Variants in RALGAPA2 observed in about 807,000 individuals in gnomAD.
RALGAPA2 encodes the protein ral GTPase-activating protein subunit alpha-2.
Under a neutral mutation model 230.4 loss-of-function variants are expected in RALGAPA2, and 139 were observed. The ratio of observed to expected loss-of-function variants is 0.60; its 90% CI spans 0.53 to 0.69. RALGAPA2 has a LOEUF of 0.69. Ranked by LOEUF, RALGAPA2 falls within the 30% of genes least tolerant of loss-of-function variation. The probability of loss-of-function intolerance (pLI) is 0.00; values close to 1 mark genes in which losing one functional copy is unlikely to be tolerated. For synonymous variants in RALGAPA2, 847 were observed against 837.8 expected, an observed-to-expected ratio of 1.01 and a Z score of -0.19; for missense variants, 2,163 against 2,276.0, an observed-to-expected ratio of 0.95 and a Z score of 1.01.
intron 37 of RALGAPA2, among the ~76,000 whole-genome samples, chr20:20,463,870 C>A (rs1162292926): frequency 6.6e-6 from 1 of 152,224 alleles, no homozygotes; most frequent in East Asian, 1.9e-4. Flanking sequence ...TACCCTCTTG[C>A]ATGCTTTTGA....
At chr20:20,505,275 A>T in intron 34 of RALGAPA2, 136 bp downstream of exon 34, 1 of 1,241,034 alleles carries the variant, frequency 8.1e-7, no homozygotes, top group Non-Finnish European at 1.0e-6. Flanking sequence ...CAAATCCAAT[A>T]AATTCTTCAA....
chr20:20,480,843 A>G (rs569992745), intron 36 of RALGAPA2, among the ~76,000 whole-genome samples: 12 of 152,202 alleles, frequency 7.9e-5, no homozygotes, highest in Non-Finnish European at 1.8e-4. Context: ...ACAACCACCT[A>G]AAGTTTCTGA....
At chr20:20,649,066 T>C (rs1031673320) in intron 4 of RALGAPA2, among the ~76,000 whole-genome samples, 2 of 152,142 alleles carry the variant, frequency 1.3e-5, no homozygotes, top group Non-Finnish European at 2.9e-5. Flanking sequence ...AAAAGCACCC[T>C]GAGAGGGCAT....
intron 10 of RALGAPA2, among the ~76,000 whole-genome samples, chr20:20,621,126 G>A (rs1164201667): frequency 1.3e-5 from 2 of 148,866 alleles, no homozygotes; most frequent in African/African-American, 5.0e-5. Flanking sequence ...GGGCAACAGA[G>A]CCAGACTCAG....
At chr20:20,495,348 T>C in intron 35 of RALGAPA2, 73 bp from the exon 36 acceptor site, 1 of 1,299,544 alleles carries the variant, frequency 7.7e-7, no homozygotes, top group South Asian at 2.4e-5. Flanking sequence ...GCTTACAAAT[T>C]GAATTATAAA....
chr20:20,412,222 T>A (rs1034424331), intron 37 of RALGAPA2, 74 bp from the exon 38 acceptor site: 19 of 1,574,182 alleles, frequency 1.2e-5, no homozygotes, highest in Non-Finnish European at 1.7e-5. Context: ...TCACTTTTAA[T>A]ACCGTTGTGC....
At chr20:20,638,992 G>T (rs922137292) in intron 7 of RALGAPA2, among the ~76,000 whole-genome samples, 1 of 152,176 alleles carries the variant, frequency 6.6e-6, no homozygotes, top group Non-Finnish European at 1.5e-5. Context: ...CATGAAGGAG[G>T]GGTAGTTAAA....
chr20:20,458,832 A>AGGTCTATATATATATAGGTCTAT (rs1482363137), intron 37 of RALGAPA2, among the ~76,000 whole-genome samples: 1 of 143,126 alleles, frequency 7.0e-6, no homozygotes, highest in African/African-American at 2.6e-5. Context: ...CTATATATAT[A>AGGTCTATATATATATAGGTCTAT]TATAGACCTA....
intron 1 of RALGAPA2, among the ~76,000 whole-genome samples, chr20:20,693,753 C>G (rs960634249): frequency 6.6e-6 from 1 of 152,124 alleles, no homozygotes; most frequent in African/African-American, 2.4e-5. Context: ...AGGTCACTGC[C>G]AAGACTCGAA....
intron 37 of RALGAPA2, among the ~76,000 whole-genome samples, chr20:20,466,141 G>A (rs1169078131): frequency 6.6e-6 from 1 of 152,268 alleles, no homozygotes; most frequent in African/African-American, 2.4e-5. Flanking sequence ...TGTGGTGACC[G>A]TGACAGCACA....
In RALGAPA2 at chr20:20,425,171, A is replaced by T. The variant is rs2060355874; in HGVS notation, c.5496-13023T>A. Among the ~76,000 whole-genome samples the T allele has an allele frequency of 2.0e-5, 3 of 152,316 alleles. No homozygotes were observed. The South Asian group carries it at 6.2e-4, about 32-fold the overall frequency. On this transcript the variant is annotated intron_variant, in intron 37 of 39. Coordinates refer to ENST00000202677, the MANE Select transcript of RALGAPA2 (RefSeq NM_020343.4). Reference sequence around the variant, plus strand: ...ATGAAACTGACAAGTATAAGAAAACATCTATAGCAGATACTCTGGTTATCC... The same window carrying T: ...ATGAAACTGACAAGTATAAGAAAACTTCTATAGCAGATACTCTGGTTATCC...
At chr20:20,568,065 C>G (rs1465697591) in intron 23 of RALGAPA2, among the ~76,000 whole-genome samples, 1 of 152,050 alleles carries the variant, frequency 6.6e-6, no homozygotes, top group Non-Finnish European at 1.5e-5. Context: ...AGACACAAAG[C>G]AGCTGAGCAG....
chr20:20,666,043 G>T (rs1265297124), intron 3 of RALGAPA2, among the ~76,000 whole-genome samples: 1 of 152,182 alleles, frequency 6.6e-6, no homozygotes, highest in Non-Finnish European at 1.5e-5. Flanking sequence ...ATCAATAAAA[G>T]CCACAAGTAT....
intron 11 of RALGAPA2, among the ~76,000 whole-genome samples, chr20:20,619,653 G>A (rs1223342264): frequency 1.3e-5 from 2 of 152,172 alleles, no homozygotes; most frequent in African/African-American, 4.8e-5. Flanking sequence ...AATGAGTTGT[G>A]TTTGTCCAAT....
chr20:20,665,368 T>C (rs1044771813), intron 3 of RALGAPA2, among the ~76,000 whole-genome samples: 2 of 152,192 alleles, frequency 1.3e-5, no homozygotes, highest in Non-Finnish European at 2.9e-5. Flanking sequence ...GAGGCCAGCA[T>C]GCCAGGAAGC....
intron 37 of RALGAPA2, among the ~76,000 whole-genome samples, chr20:20,468,715 C>A (rs534369977): frequency 6.6e-6 from 1 of 152,092 alleles, no homozygotes; most frequent in South Asian, 2.1e-4. Context: ...TTCAAATGGC[C>A]CAGAGAGTTC....
intron 7 of RALGAPA2, among the ~76,000 whole-genome samples, chr20:20,638,398 G>A (rs571877061): frequency 2.6e-5 from 4 of 152,286 alleles, no homozygotes; most frequent in East Asian, 3.9e-4. Context: ...CAGGGGCAGC[G>A]GGGTTCAGCA....
intron 23 of RALGAPA2, among the ~76,000 whole-genome samples, chr20:20,559,550 C>T (rs566293199): frequency 6.6e-6 from 1 of 152,318 alleles, no homozygotes; most frequent in Admixed American, 6.5e-5. Flanking sequence ...GCAAAGAGGT[C>T]AATCGACCTC....
At position 20,709,442 on chromosome 20, in the gene RALGAPA2, G is replaced by C. The variant is rs538480528; in HGVS notation, c.106+2933C>G. Among the ~76,000 whole-genome samples the C allele has an allele frequency of 7.9e-5, 12 of 152,270 alleles. 1 individual carries two copies. The South Asian group carries it at 2.5e-3, about 32-fold the overall frequency. ...GCCAAGGCTGCAGCAGTTGAGGCAA[G>C]GTCAAACTACTGTACTCCAACGTGG... On this transcript the variant is annotated intron_variant, in intron 1 of 39. Transcript: ENST00000202677.
Sources: allele counts gnomAD v4.1 joint callset (sites outside exome capture counted in the v4.1 genomes callset), GRCh38; gene constraint gnomAD v4.1.1; transcripts MANE v1.5; gene names NCBI Gene and HGNC (gene_info 2026-07-23, HGNC 2026-07-21).